SLC30A4: variants seen among roughly 807,000 people sequenced by gnomAD.
SLC30A4 encodes probable proton-coupled zinc antiporter SLC30A4.
SLC30A4 carries 20 observed loss-of-function variants against 41.7 expected under a neutral mutation model. That is an observed-to-expected ratio of 0.48 (90% CI 0.34 to 0.70). The LOEUF is 0.70. SLC30A4 is among the 30% of genes least tolerant of loss of function. The pLI is 0.01. For synonymous variants in SLC30A4, 181 were observed against 195.9 expected (o/e 0.92, Z 0.64); for missense variants, 441 against 529.3 (o/e 0.83, Z 1.64).
At position 45,480,433 on chromosome 15, in the gene SLC30A4, T is replaced by C. The variant is rs982840283; in HGVS notation, c.*4730A>G. 28 of 152,230 alleles carry C rather than the reference T, an allele frequency of 1.8e-4. No homozygotes were observed. The highest frequency in any genetic ancestry group is 6.0e-4 in the African/African-American group (25 of 41,458). The allele number at this position is 152,230 out of a possible 1,614,324, so 9.4% of individuals were successfully genotyped here. ...CACATCTGGAGTTAGGGTTTGCAAA[T>C]TGTATTTTGGCTACAAAGATATTAA... On this transcript the variant is annotated 3_prime_UTR_variant, in exon 8 of 8. Coordinates refer to ENST00000261867, the MANE Select transcript of SLC30A4 (RefSeq NM_013309.6).
intron 3 of SLC30A4, among the ~76,000 whole-genome samples, chr15:45,509,413 C>A (rs1892231360): frequency 1.3e-5 from 2 of 151,906 alleles, no homozygotes; most frequent in South Asian, 4.2e-4. Context: ...ACCACCATGC[C>A]CAGCTAATTT....
At chr15:45,515,920 T>G (rs565517587) in intron 2 of SLC30A4, 4 of 151,942 alleles carry the variant, frequency 2.6e-5, no homozygotes, top group Non-Finnish European at 5.9e-5. Flanking sequence ...CTACTATTTT[T>G]CTTTCTTTGT....
At chr15:45,501,954 T>C (rs1449071644) in intron 3 of SLC30A4, 2 of 152,074 alleles carry the variant, frequency 1.3e-5, no homozygotes, top group African/African-American at 4.8e-5. Flanking sequence ...GAACATGACA[T>C]AGAGGATGAT....
At position 45,479,993 on chromosome 15, in the gene SLC30A4, T is replaced by C. The variant is rs1222058340; in HGVS notation, c.*5170A>G. On this transcript the variant is annotated 3_prime_UTR_variant, in exon 8 of 8. Coordinates refer to ENST00000261867, the MANE Select transcript of SLC30A4 (RefSeq NM_013309.6). ...ATTTCTTAAACTGTGATATGGCTTA[T>C]TTAATAACATGTATTTATTGAGAGA... is the stretch of plus-strand genomic sequence containing the variant. The C allele has an allele frequency of 3.3e-5, 5 of 152,172 alleles. No individual in the cohort carries two copies. The highest frequency in any genetic ancestry group is 1.2e-4 in the African/African-American group (5 of 41,436). 9.4% of individuals were successfully genotyped at this position (152,172 alleles called of 1,614,324 possible).
intron 3 of SLC30A4, among the ~76,000 whole-genome samples, chr15:45,500,197 T>C (rs1017297166): frequency 8.5e-5 from 13 of 152,124 alleles, no homozygotes; most frequent in African/African-American, 3.1e-4. Context: ...CTGGGTAAGA[T>C]GATATACAGG....
chr15:45,497,695 G>T (rs1278520603), intron 3 of SLC30A4, among the ~76,000 whole-genome samples: 1 of 152,144 alleles, frequency 6.6e-6, no homozygotes, highest in Non-Finnish European at 1.5e-5. Flanking sequence ...ATTGTTTACT[G>T]CATATTTTAA....
At chr15:45,503,341 G>T (rs1289995786) in intron 3 of SLC30A4, among the ~76,000 whole-genome samples, 3 of 152,000 alleles carry the variant, frequency 2.0e-5, no homozygotes, top group African/African-American at 7.2e-5. Context: ...TGGACTCACT[G>T]GGCATTGTGG....
intron 4 of SLC30A4, among the ~76,000 whole-genome samples, chr15:45,489,431 G>C (rs1891767653): frequency 6.6e-6 from 1 of 152,010 alleles, no homozygotes; most frequent in South Asian, 2.1e-4. Flanking sequence ...GTGGAAGAGT[G>C]TTCTAGGCGG....
intron 2 of SLC30A4, among the ~76,000 whole-genome samples, chr15:45,517,253 G>A (rs1280130610): frequency 6.8e-6 from 1 of 146,440 alleles, no homozygotes; most frequent in African/African-American, 2.7e-5. Flanking sequence ...CTATTCCTAC[G>A]GCATTATATA....
Position 45,522,368 on chromosome 15 carries a change from C to A in SLC30A4, c.-14G>T, listed in dbSNP as rs1216205960. On this transcript the variant is annotated 5_prime_UTR_variant, in exon 2 of 8. Transcript: ENST00000261867. The stretch of plus-strand genomic sequence containing the variant: ...AGAGCCGGCCATGGCAGAGGCTGAG[C>A]GGCCGCGGTGCGGAACGGCTTGGGG... 2.5e-6 allele frequency: 4 copies of A among 1,589,030 alleles called. No individual in the cohort carries two copies. The highest frequency in any genetic ancestry group is 3.4e-6 in the Non-Finnish European group (4 of 1,169,498).
chr15:45,499,152 A>C (rs1283499567), intron 3 of SLC30A4, among the ~76,000 whole-genome samples: 1 of 145,710 alleles, frequency 6.9e-6, no homozygotes, highest in Non-Finnish European at 1.5e-5. Flanking sequence ...GCACCATCTC[A>C]GCTCTGCTTC....
chr15:45,500,960 A>T (rs748907310), intron 3 of SLC30A4, among the ~76,000 whole-genome samples: 3 of 149,074 alleles, frequency 2.0e-5, no homozygotes, highest in Non-Finnish European at 3.0e-5. Flanking sequence ...CTGGGATTAC[A>T]GGCGTGAGTA....
intron 2 of SLC30A4, chr15:45,521,108 G>C: frequency 2.4e-6 from 1 of 412,830 alleles, no homozygotes. Flanking sequence ...TTTTGTCATG[G>C]TTCATCATTT....
At position 45,508,825 on chromosome 15, in the gene SLC30A4, AGT is replaced by A. The variant is rs1166654912; in HGVS notation, c.538+2311_538+2312del. ...GTTCTATTGTCTCTTATTTTTACATAGTATTTATTTATGAAGAAGCAAAGTGA... is the reference window on the plus strand; with the variant it reads ...GTTCTATTGTCTCTTATTTTTACATAATTTATTTATGAAGAAGCAAAGTGA... On this transcript the variant is annotated intron_variant, in intron 3 of 7. Coordinates refer to ENST00000261867, the MANE Select transcript of SLC30A4 (RefSeq NM_013309.6). Among the ~76,000 whole-genome samples the A allele has an allele frequency of 5.3e-5, 8 of 152,316 alleles. No individual in the cohort carries two copies. In the South Asian group the frequency reaches 1.5e-3, roughly 28 times the overall value.
In SLC30A4 at chr15:45,484,063, T is replaced by C. The variant is rs2140807072; in HGVS notation, c.*1100A>G. On this transcript the variant is annotated 3_prime_UTR_variant, in exon 8 of 8. Transcript: ENST00000261867. The stretch of plus-strand genomic sequence containing the variant: ...AACCCATATCATAAAACATAAAATA[T>C]ATAATAAAACATAACCCATATCATA... 6.5e-6 allele frequency: 1 copy of C among 152,688 alleles called. No individual in the cohort carries two copies. The highest frequency in any genetic ancestry group is 2.1e-4 in the South Asian group (1 of 4,824). 9.5% of individuals were successfully genotyped at this position (152,688 alleles called of 1,614,324 possible).
intron 3 of SLC30A4, 95 bp downstream of exon 3, chr15:45,511,043 A>G: frequency 1.1e-6 from 1 of 949,396 alleles, no homozygotes; most frequent in Non-Finnish European, 1.6e-6. Context: ...TGTTCAAACA[A>G]GATATCACTG....
rs1247588187 is a variant in SLC30A4, at chr15:45,522,295, C to T, written c.60G>A (p.Pro20=). The change falls in exon 2 of 8, where the codon CCG becomes CCA. Residue 20 remains proline, a synonymous_variant. Transcript: ENST00000261867. ...LKSMLRKDDA[P]LFLNDTSAFD... is the part of the protein sequence containing the mutation. ...AGGCGCTGGTGTCATTTAAAAACAG[C>T]GGCGCATCATCCTTCCTTAGCATAG... 4 of 1,614,094 alleles carry T rather than the reference C, an allele frequency of 2.5e-6. No individual in the cohort carries two copies. In the South Asian group the frequency reaches 4.4e-5, roughly 18 times the overall value.
At chr15:45,501,048 C>T (rs1009996787) in intron 3 of SLC30A4, among the ~76,000 whole-genome samples, 1 of 151,010 alleles carries the variant, frequency 6.6e-6, no homozygotes, top group African/African-American at 2.4e-5. Flanking sequence ...TGGCTCACGC[C>T]TGTAATCCCA....
At chr15:45,505,531 G>A (rs1892136938) in intron 3 of SLC30A4, among the ~76,000 whole-genome samples, 1 of 152,148 alleles carries the variant, frequency 6.6e-6, no homozygotes, top group Admixed American at 6.5e-5. Flanking sequence ...TATTCAAAAG[G>A]AGCAAGGGAA....
Sources: allele counts gnomAD v4.1 joint callset (sites outside exome capture counted in the v4.1 genomes callset), GRCh38; gene constraint gnomAD v4.1.1; transcripts MANE v1.5; gene names NCBI Gene and HGNC (gene_info 2026-07-23, HGNC 2026-07-21).